ESRRG: variants seen among roughly 807,000 people sequenced by gnomAD.
The protein encoded by ESRRG is estrogen related receptor gamma, also known as estrogen-related receptor gamma.
A neutral mutation model predicts 44.0 loss-of-function variants in ESRRG; 13 were observed. The observed-to-expected ratio is 0.30, with a 90% confidence interval of 0.19 to 0.47. The LOEUF is 0.47. ESRRG is among the 20% of genes least tolerant of loss of function. ESRRG has a pLI of 1.00. For synonymous variants in ESRRG, 215 were observed against 214.6 expected (o/e 1.00, Z -0.02); for missense variants, 395 against 580.6 (o/e 0.68, Z 3.29).
At chr1:216,816,078 T>C (rs2095127762) in intron 2 of ESRRG, among the ~76,000 whole-genome samples, 1 of 152,190 alleles carries the variant, frequency 6.6e-6, no homozygotes, top group African/African-American at 2.4e-5. Flanking sequence ...AACTTGAACT[T>C]GACTTGCACA....
chr1:216,520,250 C>G (rs2045681813), intron 5 of ESRRG, among the ~76,000 whole-genome samples: 1 of 152,098 alleles, frequency 6.6e-6, no homozygotes, highest in African/African-American at 2.4e-5. Flanking sequence ...TAACTTGTCT[C>G]TTAAATTTCG....
intron 2 of ESRRG, among the ~76,000 whole-genome samples, chr1:216,809,681 C>T (rs565599428): frequency 2.6e-5 from 4 of 152,208 alleles, no homozygotes; most frequent in South Asian, 2.1e-4. Context: ...CAATACTCAA[C>T]GGAAAGCAAC....
chr1:216,757,603 T>C (rs1187238350), intron 2 of ESRRG, among the ~76,000 whole-genome samples: 1 of 152,058 alleles, frequency 6.6e-6, no homozygotes, highest in Non-Finnish European at 1.5e-5. Flanking sequence ...GCAAACTGTG[T>C]TGTTTTCAAC....
At chr1:216,931,626 C>G (rs12753064) in intron 2 of ESRRG, among the ~76,000 whole-genome samples, 5,337 of 152,186 alleles carry the variant, frequency 0.035, 128 homozygotes, top group Non-Finnish European at 0.048. Context: ...CCTCAGGGTT[C>G]TCCTGGGACT....
At chr1:216,789,857 C>T (rs1020424539) in intron 2 of ESRRG, among the ~76,000 whole-genome samples, 2 of 152,144 alleles carry the variant, frequency 1.3e-5, no homozygotes, top group Admixed American at 6.5e-5. Context: ...AGCTCTTTGG[C>T]AGGCACTGCT....
intron 2 of ESRRG, among the ~76,000 whole-genome samples, chr1:216,930,841 CA>C: frequency 1.3e-5 from 2 of 152,148 alleles, no homozygotes; most frequent in South Asian, 2.1e-4. Flanking sequence ...GAGAAGGCCC[CA>C]AAAAGAAGGA....
chr1:216,772,918 A>T (rs2093439548), intron 2 of ESRRG, among the ~76,000 whole-genome samples: 2 of 151,890 alleles, frequency 1.3e-5, no homozygotes, highest in Non-Finnish European at 2.9e-5. Context: ...TGGGGGAAAA[A>T]TCAGAACTTT....
intron 1 of ESRRG, among the ~76,000 whole-genome samples, chr1:217,022,045 T>C (rs1392323327): frequency 6.6e-6 from 1 of 152,192 alleles, no homozygotes; most frequent in African/African-American, 2.4e-5. Context: ...AATAGGGATA[T>C]TATGGTGTGC....
At chr1:216,772,990 G>A (rs1301294225) in intron 2 of ESRRG, among the ~76,000 whole-genome samples, 1 of 152,014 alleles carries the variant, frequency 6.6e-6, no homozygotes, top group Non-Finnish European at 1.5e-5. Context: ...CCTCTAGATA[G>A]GAGATCAGGA....
At chr1:216,797,417 A>G (rs764208219) in intron 2 of ESRRG, among the ~76,000 whole-genome samples, 40 of 152,084 alleles carry the variant, frequency 2.6e-4, no homozygotes, top group Non-Finnish European at 3.8e-4. Context: ...CTCAGTTTCC[A>G]TAAGCGGGAA....
chr1:216,605,013 T>C (rs1292927140), intron 3 of ESRRG, among the ~76,000 whole-genome samples: 1 of 152,128 alleles, frequency 6.6e-6, no homozygotes, highest in African/African-American at 2.4e-5. Flanking sequence ...GAGATGCTTA[T>C]ATGAGTGGGA....
intron 1 of ESRRG, among the ~76,000 whole-genome samples, chr1:217,085,812 T>G (rs2092055637): frequency 6.6e-6 from 1 of 151,964 alleles, no homozygotes; most frequent in South Asian, 2.1e-4. Flanking sequence ...CTTTAAACTC[T>G]CCTACAGCAC....
At chr1:216,562,307 G>A (rs1240139938) in intron 5 of ESRRG, among the ~76,000 whole-genome samples, 1 of 152,046 alleles carries the variant, frequency 6.6e-6, no homozygotes, top group Non-Finnish European at 1.5e-5. Flanking sequence ...TTTTTTAAAT[G>A]CAATAAACTG....
At chr1:216,959,396 T>C (rs543790409) in intron 1 of ESRRG, among the ~76,000 whole-genome samples, 1 of 152,226 alleles carries the variant, frequency 6.6e-6, no homozygotes, top group Admixed American at 6.5e-5. Flanking sequence ...ATCAATTTGA[T>C]TTTTAAGAAA....
rs201148884 is a variant in ESRRG, at chr1:216,754,010, A to G, written c.-13-76519T>C. On this transcript the variant is annotated intron_variant, in intron 2 of 7. Transcript: ENST00000359162. ...TATCAACTCTGTGTGGCATTTGGTT[A>G]TCCTACCATTGCTGCTCTCAGGCCT... is the stretch of plus-strand genomic sequence containing the variant. 2.6e-5 allele frequency among the ~76,000 whole-genome samples: 4 copies of G among 152,122 alleles called. No homozygotes were observed. In the East Asian group the frequency reaches 7.8e-4, roughly 30 times the overall value.
At chr1:216,950,786 T>C (rs1158291219) in intron 1 of ESRRG, among the ~76,000 whole-genome samples, 2 of 152,218 alleles carry the variant, frequency 1.3e-5, no homozygotes, top group East Asian at 3.9e-4. Context: ...TTCGTATTCT[T>C]AGTTGTATCC....
chr1:216,960,644 G>A (rs2068853877), intron 1 of ESRRG, among the ~76,000 whole-genome samples: 1 of 152,030 alleles, frequency 6.6e-6, no homozygotes, highest in South Asian at 2.1e-4. Flanking sequence ...GGAGTGCAGT[G>A]GTATAATCAT....
chr1:216,558,823 C>G (rs1230862845), intron 5 of ESRRG, among the ~76,000 whole-genome samples: 1 of 151,836 alleles, frequency 6.6e-6, no homozygotes, highest in East Asian at 1.9e-4. Context: ...TAAAAATAAC[C>G]TTTAAATATT....
chr1:216,782,449 G>A (rs946469), intron 2 of ESRRG, among the ~76,000 whole-genome samples: 32,646 of 151,898 alleles, frequency 0.21, 3,730 homozygotes, highest in East Asian at 0.31. Context: ...CTGTTACACA[G>A]AGAAGATAGA....
Sources: gnomAD v4.1 joint callset for allele counts (sites outside exome capture counted in the v4.1 genomes callset) on GRCh38, gnomAD v4.1.1 for gene constraint, MANE v1.5 for transcripts, NCBI Gene and HGNC (gene_info 2026-07-23, HGNC 2026-07-21) for gene names.